SLIT2: variants seen among roughly 807,000 people sequenced by gnomAD.
SLIT2 encodes slit guidance ligand 2.
SLIT2 carries 41 observed loss-of-function variants against 185.7 expected under a neutral mutation model. The ratio of observed to expected loss-of-function variants is 0.22; its 90% confidence interval spans 0.17 to 0.29. The LOEUF is 0.29. SLIT2 is among the 10% of genes least tolerant of loss of function. The pLI is 1.00. For missense variants in SLIT2, 1,571 were observed against 1,909.0 expected (o/e 0.82, Z 3.30); for synonymous variants, 693 against 680.2 (o/e 1.02, Z -0.29).
intron 11 of SLIT2, among the ~76,000 whole-genome samples, chr4:20,518,051 G>A (rs957941037): frequency 1.4e-5 from 2 of 147,400 alleles, no homozygotes; most frequent in Non-Finnish European, 3.0e-5. Flanking sequence ...ATCTAAATAT[G>A]TTTCCCTTTT....
At chr4:20,510,662 G>C (rs1719618832) in intron 10 of SLIT2, 96 bp downstream of exon 10, 2 of 706,912 alleles carry the variant, frequency 2.8e-6, no homozygotes, top group Non-Finnish European at 4.9e-6. Flanking sequence ...ATAAGTGTTT[G>C]ACAGCTTAAA....
chr4:20,508,619 C>T (rs995580973), intron 9 of SLIT2, among the ~76,000 whole-genome samples: 1 of 151,826 alleles, frequency 6.6e-6, no homozygotes, highest in African/African-American at 2.4e-5. Flanking sequence ...AGTAATACCT[C>T]AATTATATAA....
At chr4:20,573,094 G>T (rs1197665427) in intron 29 of SLIT2, 1 of 673,022 alleles carries the variant, frequency 1.5e-6, no homozygotes, top group Admixed American at 2.2e-5. Flanking sequence ...CCGGCTGTAG[G>T]TAAGAAATCC....
chr4:20,470,984 C>G (rs1200068609), intron 5 of SLIT2, among the ~76,000 whole-genome samples: 3 of 152,052 alleles, frequency 2.0e-5, no homozygotes, highest in Non-Finnish European at 2.9e-5. Flanking sequence ...ACTTTGGAAG[C>G]TTATGTTTCT....
At chr4:20,535,637 T>C (rs1157573837) in intron 18 of SLIT2, among the ~76,000 whole-genome samples, 1 of 152,130 alleles carries the variant, frequency 6.6e-6, no homozygotes, top group African/African-American at 2.4e-5. Flanking sequence ...AAGTTCAAGA[T>C]GGAAGTGCTG....
At chr4:20,380,173 C>T (rs544029875) in intron 4 of SLIT2, among the ~76,000 whole-genome samples, 4 of 152,232 alleles carry the variant, frequency 2.6e-5, no homozygotes, top group East Asian at 3.9e-4. Context: ...CAGGTAGAGT[C>T]CTCAGAAAAG....
chr4:20,492,282 C>T (rs1257083397), intron 9 of SLIT2, among the ~76,000 whole-genome samples: 1 of 152,186 alleles, frequency 6.6e-6, no homozygotes, highest in Non-Finnish European at 1.5e-5. Context: ...TTAGGTGATG[C>T]TCTGCCTCCT....
intron 4 of SLIT2, among the ~76,000 whole-genome samples, chr4:20,351,524 C>T (rs575394315): frequency 1.3e-5 from 2 of 152,282 alleles, no homozygotes; most frequent in East Asian, 3.9e-4. Flanking sequence ...TGAGAATTCC[C>T]ACCCTGATTC....
rs55679047 is a variant in SLIT2 at position 20,419,667 on chromosome 4, C to CTGTGTGTGTGTGTGTG, written c.396-48057_396-48042dup. On this transcript the variant is annotated intron_variant, in intron 4 of 36. Transcript: ENST00000504154. ...GTTGCTGTTAAGGGTAAGTTTTAAG[C>CTGTGTGTGTGTGTGTG]TGTGTGTGTGTGTGTGTGTGTGTGT... 2.3e-3 allele frequency among the ~76,000 whole-genome samples: 324 copies of CTGTGTGTGTGTGTGTG among 138,078 alleles called. 3 individuals carry two copies. The highest frequency in any genetic ancestry group is 7.9e-3 in the African/African-American group (290 of 36,480). 90.6% of individuals were successfully genotyped at this position (138,078 alleles called of 152,430 possible). A position where few individuals can be genotyped will look rare whatever the true frequency, so the allele number is the denominator to read the frequency against.
intron 4 of SLIT2, among the ~76,000 whole-genome samples, chr4:20,428,228 A>C (rs1728702528): frequency 1.3e-5 from 2 of 152,216 alleles, no homozygotes; most frequent in African/African-American, 2.4e-5. Flanking sequence ...TATTTTGCAG[A>C]GCACACACAC....
chr4:20,556,303 T>C (rs1724246704), intron 26 of SLIT2, among the ~76,000 whole-genome samples: 1 of 151,998 alleles, frequency 6.6e-6, no homozygotes, highest in Non-Finnish European at 1.5e-5. Context: ...AACCTTCTAC[T>C]CAGCACATTA....
intron 4 of SLIT2, among the ~76,000 whole-genome samples, chr4:20,325,171 G>A (rs550093863): frequency 2.1e-4 from 31 of 150,052 alleles, no homozygotes; most frequent in Non-Finnish European, 4.1e-4. Context: ...CTTATCTTTC[G>A]CCATATACAA....
At chr4:20,412,597 G>C (rs556460134) in intron 4 of SLIT2, among the ~76,000 whole-genome samples, 2 of 152,090 alleles carry the variant, frequency 1.3e-5, no homozygotes, top group Admixed American at 6.5e-5. Flanking sequence ...TTTTATTTCA[G>C]ATATCTGAGG....
At chr4:20,283,727 C>T (rs1205237134) in intron 4 of SLIT2, among the ~76,000 whole-genome samples, 1 of 152,090 alleles carries the variant, frequency 6.6e-6, no homozygotes, top group Non-Finnish European at 1.5e-5. Flanking sequence ...GAGTATGACT[C>T]AGTCAAAACT....
intron 5 of SLIT2, among the ~76,000 whole-genome samples, chr4:20,478,658 GA>G (rs531744299): frequency 4.6e-5 from 7 of 152,196 alleles, no homozygotes; most frequent in Non-Finnish European, 7.4e-5. Flanking sequence ...GATTAACCTG[GA>G]GACTGCATTA....
chr4:20,613,048 G>C (rs1334514784), intron 34 of SLIT2, among the ~76,000 whole-genome samples: 1 of 152,056 alleles, frequency 6.6e-6, no homozygotes, highest in East Asian at 1.9e-4. Context: ...CTTATATACT[G>C]TTGGCAGAAA....
At chr4:20,613,396 A>C (rs921366251) in intron 34 of SLIT2, among the ~76,000 whole-genome samples, 5 of 152,188 alleles carry the variant, frequency 3.3e-5, no homozygotes, top group Non-Finnish European at 7.3e-5. Context: ...TAGCAAACTA[A>C]CACAGGAACA....
intron 4 of SLIT2, among the ~76,000 whole-genome samples, chr4:20,344,831 G>A (rs535315176): frequency 1.3e-5 from 2 of 152,256 alleles, no homozygotes; most frequent in African/African-American, 2.4e-5. Flanking sequence ...TCTCATGAGA[G>A]TTTCTTTCTG....
intron 4 of SLIT2, among the ~76,000 whole-genome samples, chr4:20,444,870 C>T (rs1003328504): frequency 1.3e-5 from 2 of 152,206 alleles, no homozygotes; most frequent in African/African-American, 2.4e-5. Context: ...GGCTACAGAT[C>T]TCTGCATGTG....
Sources: allele counts gnomAD v4.1 joint callset (sites outside exome capture counted in the v4.1 genomes callset), GRCh38; gene constraint gnomAD v4.1.1; transcripts MANE v1.5; gene names NCBI Gene and HGNC (gene_info 2026-07-23, HGNC 2026-07-21).